The following B3GALT5 variants were observed in gnomAD, a reference collection of about 807,000 sequenced individuals.
B3GALT5 encodes the protein beta-1,3-galactosyltransferase 5.
For synonymous variants in B3GALT5, 156 were observed against 158.6 expected (o/e 0.98, Z 0.12); for missense variants, 328 against 396.6 (o/e 0.83, Z 1.47).
At chr21:39,633,524 A>G (rs983230801) in intron 1 of B3GALT5, among the ~76,000 whole-genome samples, 1 of 152,222 alleles carries the variant, frequency 6.6e-6, no homozygotes. Context: ...AAGGGGCGAT[A>G]TTATAATTTG....
chr21:39,644,648 C>T (rs192992219), intron 1 of B3GALT5, among the ~76,000 whole-genome samples: 1 of 152,286 alleles, frequency 6.6e-6, no homozygotes, highest in Admixed American at 6.5e-5. Flanking sequence ...GAAGGAATGT[C>T]TTGTGTTCTT....
chr21:39,645,108 C>T (rs1048852694), intron 1 of B3GALT5, among the ~76,000 whole-genome samples: 3 of 152,174 alleles, frequency 2.0e-5, no homozygotes, highest in Non-Finnish European at 4.4e-5. Context: ...CCACGTATTT[C>T]TCTGCTGGCC....
intron 1 of B3GALT5, among the ~76,000 whole-genome samples, chr21:39,639,972 G>A (rs965208901): frequency 2.7e-5 from 4 of 148,082 alleles, no homozygotes; most frequent in Non-Finnish European, 6.0e-5. Flanking sequence ...ACTGTAAAAT[G>A]TAAATAAATA....
intron 1 of B3GALT5, among the ~76,000 whole-genome samples, chr21:39,625,999 G>A (rs1023740531): frequency 6.6e-6 from 1 of 152,026 alleles, no homozygotes; most frequent in Admixed American, 6.6e-5. Context: ...GTCCATACAC[G>A]GTATTGTGTG....
At chr21:39,628,328 G>C (rs926130686) in intron 1 of B3GALT5, among the ~76,000 whole-genome samples, 11 of 152,206 alleles carry the variant, frequency 7.2e-5, no homozygotes, top group African/African-American at 2.7e-4. Context: ...TAGTGGTCTA[G>C]TCAGGGCCCT....
chr21:39,634,381 C>T (rs1450472605), intron 1 of B3GALT5, among the ~76,000 whole-genome samples: 7 of 152,118 alleles, frequency 4.6e-5, no homozygotes, highest in Non-Finnish European at 8.8e-5. Flanking sequence ...GGTGGGAAAA[C>T]GTTGGGAGCT....
intron 1 of B3GALT5, among the ~76,000 whole-genome samples, chr21:39,642,720 C>G (rs1372324204): frequency 2.0e-5 from 3 of 152,100 alleles, no homozygotes; most frequent in Non-Finnish European, 4.4e-5. Context: ...TTGATTTTGT[C>G]TTAGTCAAAA....
At chr21:39,637,950 G>A (rs1303713793) in intron 1 of B3GALT5, among the ~76,000 whole-genome samples, 1 of 152,194 alleles carries the variant, frequency 6.6e-6, no homozygotes, top group Non-Finnish European at 1.5e-5. Context: ...AGCTTTCTGT[G>A]GCTGGATGTT....
chr21:39,621,246 T>C (rs1483018417), intron 1 of B3GALT5, among the ~76,000 whole-genome samples: 1 of 152,228 alleles, frequency 6.6e-6, no homozygotes, highest in African/African-American at 2.4e-5. Flanking sequence ...TATTATGAAT[T>C]GGTGCTGAAT....
intron 2 of B3GALT5, among the ~76,000 whole-genome samples, chr21:39,655,674 G>A (rs567768048): frequency 3.9e-5 from 6 of 152,244 alleles, no homozygotes; most frequent in African/African-American, 1.2e-4. Flanking sequence ...GAGGTGAGTC[G>A]TCCTGCAGCT....
rs1180326409 is a variant in B3GALT5 at position 39,661,174 on chromosome 21, T to G, written c.615T>G (p.Tyr205Ter). ...AGTGGTTTGTCAGTAAATCTGAATA[T>G]CCGTGGGACAGGTACCCACCATTCT... ...FSKWFVSKSEYPWDRYPPFCS... is the reference protein window; with the variant it reads ...FSKWFVSKSE The change falls in exon 4 of 4, where the codon TAT becomes TAG. Residue 205 changes from tyrosine to a stop codon, truncating the protein, a stop_gained. Transcript: ENST00000684187. LOFTEE classifies it low-confidence loss of function (END_TRUNC). The surrounding 1 kb of genome is among the most constrained non-coding windows in gnomAD (Gnocchi z 4.7). 6.2e-7 allele frequency: 1 copy of G among 1,613,978 alleles called. No individual in the cohort carries two copies. The highest frequency in any genetic ancestry group is 8.5e-7 in the Non-Finnish European group (1 of 1,180,008).
At chr21:39,613,515 T>C (rs1226336781) in intron 1 of B3GALT5, among the ~76,000 whole-genome samples, 2 of 152,234 alleles carry the variant, frequency 1.3e-5, no homozygotes, top group East Asian at 1.9e-4. Flanking sequence ...GGCAGGATCA[T>C]GAGAAAGACA....
chr21:39,660,409 C>T, intron 3 of B3GALT5, 151 bp from the exon 4 acceptor site: 1 of 531,620 alleles, frequency 1.9e-6, no homozygotes. Context: ...TTGTGCTTAA[C>T]TGTTTAACCA....
rs186158538 is a variant in B3GALT5, at chr21:39,641,125, G to A, written c.-391-5267G>A. ...TAGTGGTGAGAACAGATATTTCAAGGTTGGAAGATGCCAAAAAGTAGTTTG... is the reference window on the plus strand; with the variant it reads ...TAGTGGTGAGAACAGATATTTCAAGATTGGAAGATGCCAAAAAGTAGTTTG... On this transcript the variant is annotated intron_variant, in intron 1 of 3. Transcript: ENST00000684187. Among the ~76,000 whole-genome samples the A allele has an allele frequency of 3.4e-3, 520 of 152,276 alleles. 3 individuals carry two copies. Among genetic ancestry groups the A allele is most frequent in the Admixed American group, 6.9e-3 (105 of 15,288 alleles).
chr21:39,658,563 A>T (rs956428917), intron 2 of B3GALT5, among the ~76,000 whole-genome samples: 4 of 152,102 alleles, frequency 2.6e-5, no homozygotes, highest in Admixed American at 2.6e-4. Flanking sequence ...TGCATATCTT[A>T]GCCATGCAAA....
At chr21:39,650,836 A>G (rs1313577826) in intron 2 of B3GALT5, among the ~76,000 whole-genome samples, 1 of 152,140 alleles carries the variant, frequency 6.6e-6, no homozygotes, top group African/African-American at 2.4e-5. Flanking sequence ...TTTTTAAAAT[A>G]AGATTAAAAA....
chr21:39,620,275 C>T (rs1409128184), intron 1 of B3GALT5, among the ~76,000 whole-genome samples: 1 of 152,170 alleles, frequency 6.6e-6, no homozygotes, highest in African/African-American at 2.4e-5. Flanking sequence ...TCAGTCTTCT[C>T]TTTTGTAAAC....
chr21:39,645,339 C>T (rs887573353), intron 1 of B3GALT5, among the ~76,000 whole-genome samples: 1 of 152,152 alleles, frequency 6.6e-6, no homozygotes, highest in South Asian at 2.1e-4. Flanking sequence ...CAGGTCTCGC[C>T]CTGAGTGTGC....
Position 39,668,510 on chromosome 21 carries a change from T to C in B3GALT5, c.*7018T>C, listed in dbSNP as rs2079598625. The C allele has an allele frequency of 1.3e-5, 2 of 152,220 alleles. No individual in the cohort carries two copies. Among genetic ancestry groups the C allele is most frequent in the African/African-American group, 4.8e-5 (2 of 41,454 alleles). 9.4% of individuals were successfully genotyped at this position (152,220 alleles called of 1,614,324 possible). On this transcript the variant is annotated 3_prime_UTR_variant, in exon 4 of 4. Coordinates refer to ENST00000684187, the MANE Select transcript of B3GALT5 (RefSeq NM_001356336.2). ...TGTGAAATGGTTGTCTCAATGGAAG[T>C]TGTAGCCTCCTCCTCCCATGACATC...
Sources: gnomAD v4.1 joint callset for allele counts (sites outside exome capture counted in the v4.1 genomes callset) on GRCh38, gnomAD v4.1.1 for gene constraint, Gnocchi (gnomAD v3.1) non-coding constraint, MANE v1.5 for transcripts, NCBI Gene and HGNC (gene_info 2026-07-23, HGNC 2026-07-21) for gene names.